The following EPS15 variants were observed in gnomAD, a reference collection of about 807,000 sequenced individuals.
EPS15 encodes epidermal growth factor receptor substrate 15.
EPS15 carries 72 observed loss-of-function variants against 113.8 expected under a neutral mutation model. That is an observed-to-expected ratio of 0.63 (90% CI 0.52 to 0.77). The LOEUF is 0.77. Ranked by LOEUF, EPS15 falls within the 30% of genes least tolerant of loss-of-function variation. EPS15 has a pLI of 0.00. For missense variants in EPS15, 1,048 were observed against 1,045.8 expected (o/e 1.00, Z -0.03); for synonymous variants, 344 against 363.4 (o/e 0.95, Z 0.61).
chr1:51,455,192 AC>A (rs1396956370), intron 8 of EPS15, among the ~76,000 whole-genome samples: 1 of 152,204 alleles, frequency 6.6e-6, no homozygotes, highest in Non-Finnish European at 1.5e-5. Context: ...TGCAGAACTT[AC>A]CCCACAAAGA....
At chr1:51,447,192 C>T in intron 9 of EPS15, 87 bp from the exon 10 acceptor site, 1 of 1,223,920 alleles carries the variant, frequency 8.2e-7, no homozygotes, top group Middle Eastern at 2.0e-4. Context: ...ATATCCATCA[C>T]AAATTCTGAA....
At chr1:51,383,194 AAC>A (rs1345802590) in intron 21 of EPS15, among the ~76,000 whole-genome samples, 1 of 152,228 alleles carries the variant, frequency 6.6e-6, no homozygotes, top group Non-Finnish European at 1.5e-5. Context: ...TCATGATAAA[AAC>A]ACTCAACAAG....
intron 21 of EPS15, among the ~76,000 whole-genome samples, chr1:51,389,092 C>T (rs1042015042): frequency 2.6e-5 from 4 of 152,140 alleles, no homozygotes; most frequent in Admixed American, 2.0e-4. Flanking sequence ...AAACCGAATC[C>T]AGCAGCACAT....
At chr1:51,470,959 C>T (rs1655195182) in intron 4 of EPS15, among the ~76,000 whole-genome samples, 1 of 152,112 alleles carries the variant, frequency 6.6e-6, no homozygotes, top group Non-Finnish European at 1.5e-5. Flanking sequence ...CCAAAGTAGC[C>T]CTTCTACCCA....
intron 7 of EPS15, 92 bp from the exon 8 acceptor site, chr1:51,461,242 G>C: frequency 4.4e-6 from 4 of 909,242 alleles, no homozygotes; most frequent in Non-Finnish European, 7.2e-6. Flanking sequence ...GCTAGGAATG[G>C]TGGCTCATGC....
chr1:51,448,487 A>T (rs1387810355), intron 8 of EPS15, among the ~76,000 whole-genome samples: 1 of 152,196 alleles, frequency 6.6e-6, no homozygotes, highest in Non-Finnish European at 1.5e-5. Flanking sequence ...ACAGAAAAAA[A>T]AGTCCAATAG....
intron 1 of EPS15, among the ~76,000 whole-genome samples, chr1:51,508,296 G>GAGAGAGAA (rs1311794589): frequency 3.1e-4 from 41 of 131,260 alleles, no homozygotes; most frequent in East Asian, 2.4e-3. Flanking sequence ...GAGAAAGAGA[G>GAGAGAGAA]AGAGAGAAAG....
At chr1:51,360,497 T>C (rs147266486) in intron 24 of EPS15, among the ~76,000 whole-genome samples, 3 of 152,200 alleles carry the variant, frequency 2.0e-5, no homozygotes, top group Admixed American at 2.0e-4. Flanking sequence ...ACCCTTCCAC[T>C]GTTTCTAACG....
chr1:51,465,205 A>G (rs1017042585), intron 6 of EPS15, 56 bp downstream of exon 6: 17 of 1,058,294 alleles, frequency 1.6e-5, no homozygotes, highest in Non-Finnish European at 2.2e-5. Flanking sequence ...AGAGGTAGAG[A>G]GAGAGTAGAT....
chr1:51,461,731 T>C (rs1027349617), intron 7 of EPS15: 1 of 152,082 alleles, frequency 6.6e-6, no homozygotes, highest in Non-Finnish European at 1.5e-5. Context: ...GAGAAATAAT[T>C]AGTGGGAAAC....
At chr1:51,484,434 T>C (rs1189724577) in intron 1 of EPS15, among the ~76,000 whole-genome samples, 9 of 151,346 alleles carry the variant, frequency 5.9e-5, no homozygotes, top group Non-Finnish European at 1.0e-4. Context: ...TTAAATTAAA[T>C]TTTAAATTTT....
intron 8 of EPS15, among the ~76,000 whole-genome samples, chr1:51,449,950 G>C (rs1303956070): frequency 2.0e-5 from 3 of 151,794 alleles, no homozygotes; most frequent in Non-Finnish European, 4.4e-5. Context: ...AGGCATAAGG[G>C]AGGCTCCACT....
At chr1:51,513,607 T>A (rs1193872506) in intron 1 of EPS15, among the ~76,000 whole-genome samples, 4 of 152,236 alleles carry the variant, frequency 2.6e-5, no homozygotes, top group African/African-American at 9.6e-5. Flanking sequence ...ACTAGCATTG[T>A]ATGAATTTTT....
chr1:51,400,588 T>TC (rs1648420918), intron 19 of EPS15, among the ~76,000 whole-genome samples: 1 of 151,146 alleles, frequency 6.6e-6, no homozygotes, highest in Admixed American at 6.6e-5. Flanking sequence ...ACCTAGGTAC[T>TC]CAGGAGGCTG....
chr1:51,379,797 C>T (rs978206130), intron 21 of EPS15, among the ~76,000 whole-genome samples: 5 of 152,024 alleles, frequency 3.3e-5, no homozygotes, highest in Admixed American at 2.0e-4. Flanking sequence ...CGTGGTGGCT[C>T]ATGCCTGTAA....
chr1:51,408,047 G>C, intron 15 of EPS15, 88 bp downstream of exon 15: 2 of 1,128,042 alleles, frequency 1.8e-6, no homozygotes, highest in South Asian at 1.2e-5. Flanking sequence ...CTAGGCAAGA[G>C]GTTGAAGGAG....
At chr1:51,436,553 A>G (rs563027300) in intron 12 of EPS15, among the ~76,000 whole-genome samples, 64 of 152,324 alleles carry the variant, frequency 4.2e-4, no homozygotes, top group African/African-American at 1.4e-3. Context: ...ACAAAGAATG[A>G]TAAGTGTTAT....
chr1:51,487,473 T>G (rs1644146423), intron 1 of EPS15, among the ~76,000 whole-genome samples: 1 of 152,198 alleles, frequency 6.6e-6, no homozygotes, highest in African/African-American at 2.4e-5. Context: ...TTTTAAATAT[T>G]TGTAGTACCC....
intron 1 of EPS15, among the ~76,000 whole-genome samples, chr1:51,485,686 T>C (rs1170828486): frequency 1.3e-5 from 2 of 152,246 alleles, no homozygotes; most frequent in African/African-American, 4.8e-5. Context: ...CACTGAAATA[T>C]ATCCTTCAAA....
Sources: gnomAD v4.1 joint callset for allele counts (sites outside exome capture counted in the v4.1 genomes callset) on GRCh38, gnomAD v4.1.1 for gene constraint, MANE v1.5 for transcripts, NCBI Gene and HGNC (gene_info 2026-07-23, HGNC 2026-07-21) for gene names.